PCDHA10: variants seen among roughly 807,000 people sequenced by gnomAD.
The protein encoded by PCDHA10 is protocadherin alpha-10.
Under a neutral mutation model 61.2 loss-of-function variants are expected in PCDHA10, and 45 were observed. That is an observed-to-expected ratio of 0.74 (90% CI 0.58 to 0.94). PCDHA10 has a LOEUF of 0.94. Ranked by LOEUF, PCDHA10 falls within the 40% of genes least tolerant of loss-of-function variation. PCDHA10 has a pLI of 0.00. For synonymous variants in PCDHA10, 602 were observed against 548.8 expected, an observed-to-expected ratio of 1.10 and a Z score of -1.35; for missense variants, 1,278 against 1,236.2, an observed-to-expected ratio of 1.03 and a Z score of -0.51.
intron 1 of PCDHA10, chr5:140,871,449 G>T (rs782722272): frequency 2.7e-5 from 43 of 1,608,644 alleles, no homozygotes; most frequent in Non-Finnish European, 3.7e-5. Flanking sequence ...TGAATAAAGA[G>T]GAGGAAGGGG....
intron 3 of PCDHA10, among the ~76,000 whole-genome samples, chr5:141,000,403 A>G (rs1233777704): frequency 4.8e-5 from 4 of 84,110 alleles, no homozygotes; most frequent in Non-Finnish European, 9.0e-5. Context: ...CTCTATATAT[A>G]TATATATATA....
At chr5:140,896,517 A>G (rs1300184594) in intron 1 of PCDHA10, among the ~76,000 whole-genome samples, 1 of 149,680 alleles carries the variant, frequency 6.7e-6, no homozygotes, top group African/African-American at 2.5e-5. Flanking sequence ...GGCACACACC[A>G]CAAAGCCCAG....
chr5:140,927,322 A>T (rs782465180), intron 1 of PCDHA10: 1 of 1,613,780 alleles, frequency 6.2e-7, no homozygotes, highest in Non-Finnish European at 8.5e-7. Flanking sequence ...AGCCCGCTTT[A>T]CTCTCCCGAA....
intron 1 of PCDHA10, among the ~76,000 whole-genome samples, chr5:140,874,790 A>C (rs2055107111): frequency 6.6e-6 from 1 of 152,254 alleles, no homozygotes; most frequent in East Asian, 1.9e-4. Context: ...TCTAACTTTC[A>C]TCAGATTTAT....
chr5:140,857,348 C>T lies in PCDHA10; in HGVS notation c.1300C>T (p.Leu434=), dbSNP rs782358430. 9.4e-6 allele frequency: 15 copies of T among 1,598,398 alleles called. 2 individuals carry two copies. The highest frequency in any genetic ancestry group is 6.7e-5 in the African/African-American group (5 of 74,370). The change falls in exon 1 of 4, where the codon CTG becomes TTG. Residue 434 remains leucine, a synonymous_variant. Coordinates refer to ENST00000307360, the MANE Select transcript of PCDHA10 (RefSeq NM_018901.4). ...VTARDGGSPP[L]WATASVSVEV... is the part of the protein sequence containing the mutation. ...CGCGCGGGACGGGGGCTCGCCTCCG[C>T]TGTGGGCCACGGCCAGCGTGTCTGT... is the stretch of plus-strand genomic sequence containing the variant.
chr5:140,899,548 T>C (rs1452628026), intron 1 of PCDHA10, among the ~76,000 whole-genome samples: 5 of 152,214 alleles, frequency 3.3e-5, no homozygotes, highest in African/African-American at 1.2e-4. Flanking sequence ...TCATGGTGGA[T>C]AAGCTTTTTG....
At chr5:140,932,880 AT>A (rs1219080024) in intron 1 of PCDHA10, among the ~76,000 whole-genome samples, 2 of 151,952 alleles carry the variant, frequency 1.3e-5, no homozygotes, top group Non-Finnish European at 2.9e-5. Context: ...TGTCTTCAAT[AT>A]TTTCAGTTAG....
chr5:140,913,106 T>C (rs1308946519), intron 1 of PCDHA10, among the ~76,000 whole-genome samples: 1 of 152,194 alleles, frequency 6.6e-6, no homozygotes, highest in Admixed American at 6.6e-5. Flanking sequence ...CCTCATAGAA[T>C]CAGTTTGGAA....
intron 3 of PCDHA10, among the ~76,000 whole-genome samples, chr5:140,994,545 A>T (rs1397619431): frequency 2.6e-5 from 4 of 152,074 alleles, no homozygotes; most frequent in African/African-American, 9.7e-5. Flanking sequence ...TCTACAAAAA[A>T]AATATAAAAA....
intron 1 of PCDHA10, among the ~76,000 whole-genome samples, chr5:140,977,568 G>A (rs547387044): frequency 1.3e-5 from 2 of 152,312 alleles, no homozygotes; most frequent in East Asian, 1.9e-4. Context: ...TAGCAGATTG[G>A]TAGAATAGAG....
At chr5:140,939,060 A>G (rs1435006375) in intron 1 of PCDHA10, among the ~76,000 whole-genome samples, 1 of 152,208 alleles carries the variant, frequency 6.6e-6, no homozygotes, top group Non-Finnish European at 1.5e-5. Flanking sequence ...TTGGGCTGCT[A>G]TATCAAAATA....
rs192014288 is a variant in PCDHA10, at chr5:140,938,120, T to A, written c.2389-40829T>A. Among the ~76,000 whole-genome samples the A allele has an allele frequency of 2.0e-3, 311 of 152,258 alleles. 6 individuals are homozygous for A. In the East Asian group the frequency reaches 0.05, roughly 25 times the overall value. ...GTATTTTTTACTTTCTCTCTTTTTT[T>A]AAAAAAATAGAGATAGAGTCTCACT... On this transcript the variant is annotated intron_variant, in intron 1 of 3. Transcript: ENST00000307360.
intron 1 of PCDHA10, among the ~76,000 whole-genome samples, chr5:140,903,031 A>G (rs1411414428): frequency 1.3e-5 from 2 of 152,188 alleles, no homozygotes; most frequent in Admixed American, 1.3e-4. Flanking sequence ...TGGCTTGCAC[A>G]TGTGTCTTTT....
At chr5:140,943,515 G>C (rs2093511975) in intron 1 of PCDHA10, among the ~76,000 whole-genome samples, 1 of 152,100 alleles carries the variant, frequency 6.6e-6, no homozygotes, top group African/African-American at 2.4e-5. Context: ...TGGAAATGTT[G>C]AGTTCAGTAT....
chr5:140,869,613 C>T (rs369176341), intron 1 of PCDHA10: 402 of 1,613,826 alleles, frequency 2.5e-4, no homozygotes, highest in Non-Finnish European at 3.3e-4. Context: ...TATTGACCTA[C>T]AGGCTAAGTA....
chr5:140,975,623 A>G (rs2096675265), intron 1 of PCDHA10, among the ~76,000 whole-genome samples: 1 of 152,244 alleles, frequency 6.6e-6, no homozygotes, highest in Admixed American at 6.5e-5. Flanking sequence ...ATGGATTTCC[A>G]TGGTACGAAG....
intron 1 of PCDHA10, among the ~76,000 whole-genome samples, chr5:140,954,881 C>T (rs2095105725): frequency 6.6e-6 from 1 of 152,092 alleles, no homozygotes; most frequent in Non-Finnish European, 1.5e-5. Flanking sequence ...CCTAGCTTTT[C>T]TTCTAGGGTT....
intron 1 of PCDHA10, among the ~76,000 whole-genome samples, chr5:140,912,961 G>C (rs1370850871): frequency 6.6e-6 from 1 of 151,844 alleles, no homozygotes; most frequent in African/African-American, 2.4e-5. Context: ...ATCCCACTTG[G>C]TCTTTTAACT....
chr5:140,899,752 A>G lies in PCDHA10; in HGVS notation c.2388+41316A>G, dbSNP rs190521600. On this transcript the variant is annotated intron_variant, in intron 1 of 3. Transcript: ENST00000307360. ...ATTGATTGGAATAGTTTCAGAAGGA[A>G]TGGTACCAGTTCCTCCTTTTACCTC... Among the ~76,000 whole-genome samples the G allele has an allele frequency of 4.0e-4, 61 of 152,320 alleles. No homozygotes were observed. The East Asian group carries it at 8.7e-3, about 22-fold the overall frequency.
Sources: gnomAD v4.1 joint callset for allele counts (sites outside exome capture counted in the v4.1 genomes callset) on GRCh38, gnomAD v4.1.1 for gene constraint, MANE v1.5 for transcripts, NCBI Gene and HGNC (gene_info 2026-07-23, HGNC 2026-07-21) for gene names.